OSBPL3: variants seen among roughly 807,000 people sequenced by gnomAD.
OSBPL3 encodes oxysterol binding protein like 3.
Under a neutral mutation model 120.1 loss-of-function variants are expected in OSBPL3, and 65 were observed. The ratio of observed to expected loss-of-function variants is 0.54; its 90% confidence interval spans 0.44 to 0.67. The LOEUF (loss-of-function observed/expected upper bound fraction) is 0.67, where lower values mean the gene tolerates loss of function less well. OSBPL3 is among the 30% of genes least tolerant of loss of function. The pLI is 0.00. For missense variants in OSBPL3, 1,004 were observed against 1,082.1 expected (o/e 0.93, Z 1.01); for synonymous variants, 416 against 402.6 (o/e 1.03, Z -0.40).
chr7:24,930,646 A>C lies in OSBPL3; in HGVS notation c.-149-38025T>G, dbSNP rs1299729333. On this transcript the variant is annotated intron_variant, in intron 1 of 22. Coordinates refer to ENST00000313367, the MANE Select transcript of OSBPL3 (RefSeq NM_015550.4). The surrounding 1 kb of genome is among the most constrained non-coding windows in gnomAD (Gnocchi z 4.4). ...AAAGCCATCAATTCAGTTGGTCATT[A>C]ACCTTTCCAGGTTAACCTCTTAAAA... Among the ~76,000 whole-genome samples the C allele has an allele frequency of 2.0e-5, 3 of 152,176 alleles. No individual in the cohort carries two copies. The highest frequency in any genetic ancestry group is 4.4e-5 in the Non-Finnish European group (3 of 68,026).
In OSBPL3 at chr7:24,834,244, C is replaced by T; in HGVS notation, c.1746+242G>A. 2 of 1,281,828 alleles carry T rather than the reference C, an allele frequency of 1.6e-6. No individual in the cohort carries two copies. Among genetic ancestry groups the T allele is most frequent in the Non-Finnish European group, 2.0e-6 (2 of 1,003,976 alleles). The allele number at this position is 1,281,828 out of a possible 1,614,324, so 79.4% of individuals were successfully genotyped here. A position where few individuals can be genotyped will look rare whatever the true frequency, so the allele number is the denominator to read the frequency against. ...AAAGAGGAAGCACAAACCCACAGAA[C>T]AGAACTACCCCAGGCACCAAGTGCC... On this transcript the variant is annotated intron_variant, in intron 15 of 22. Transcript: ENST00000313367. The surrounding 1 kb of genome is among the most constrained non-coding windows in gnomAD (Gnocchi z 5.2).
rs80057299 is a variant in OSBPL3, at chr7:24,849,896, T to G, written c.1159-720A>C. 0.048 allele frequency among the ~76,000 whole-genome samples: 7,251 copies of G among 151,590 alleles called. 252 individuals are homozygous for G. The highest frequency in any genetic ancestry group is 0.069 in the Non-Finnish European group (4,685 of 67,842). ...CTTGAACCTGGGAGGCTGACAGATG[T>G]TGCAGCGAGCTGAGATTGCGGCCTG... is the stretch of plus-strand genomic sequence containing the variant. On this transcript the variant is annotated intron_variant, in intron 11 of 22. Coordinates refer to ENST00000313367, the MANE Select transcript of OSBPL3 (RefSeq NM_015550.4). The surrounding 1 kb of genome is among the most constrained non-coding windows in gnomAD (Gnocchi z 5.4).
rs752990525 is a variant in OSBPL3 at position 24,834,558 on chromosome 7, C to T, written c.1674G>A (p.Arg558=). Residue 558 remains arginine (R), a synonymous_variant, in exon 15 of 23, where the codon AGG becomes AGA. Coordinates refer to ENST00000313367, the MANE Select transcript of OSBPL3 (RefSeq NM_015550.4). The surrounding 1 kb of genome is among the most constrained non-coding windows in gnomAD (Gnocchi z 5.2). ...CGCTGTACTCCAGCTCCTCGCAGAG[C>T]CTCTGCAGCGTGTTCAGGGGCTCGT... ...ELNEPLNTLQ[R]LCEELEYSEL... 6.2e-7 allele frequency: 1 copy of T among 1,614,190 alleles called. No individual in the cohort carries two copies. The highest frequency in any genetic ancestry group is 8.5e-7 in the Non-Finnish European group (1 of 1,180,012).
chr7:24,802,962 T>C lies in OSBPL3; in HGVS notation c.2567+1353A>G, dbSNP rs1458333261. On this transcript the variant is annotated intron_variant, in intron 22 of 22. Coordinates refer to ENST00000313367, the MANE Select transcript of OSBPL3 (RefSeq NM_015550.4). The surrounding 1 kb of genome is among the most constrained non-coding windows in gnomAD (Gnocchi z 4.1). ...TATTTCAGGATGAAATTTTGGCCAG[T>C]TGATTTTCCATCACTAATATCTTGA... Among the ~76,000 whole-genome samples, 1 of 152,190 alleles carries C rather than the reference T, an allele frequency of 6.6e-6. No homozygotes were observed. The highest frequency in any genetic ancestry group is 2.4e-5 in the African/African-American group (1 of 41,440).
Position 24,873,925 on chromosome 7 carries a change from T to C in OSBPL3, c.97-1856A>G, listed in dbSNP as rs1047519196. 1.9e-4 allele frequency among the ~76,000 whole-genome samples: 29 copies of C among 152,218 alleles called. No individual in the cohort carries two copies. Among genetic ancestry groups the C allele is most frequent in the African/African-American group, 6.8e-4 (28 of 41,458 alleles). ...TTAGAGACTCCATAGGTACTCCATC[T>C]TACTTTTCTGGAGGTTCACCACTTA... On this transcript the variant is annotated intron_variant, in intron 2 of 22. Coordinates refer to ENST00000313367, the MANE Select transcript of OSBPL3 (RefSeq NM_015550.4). The surrounding 1 kb of genome is among the most constrained non-coding windows in gnomAD (Gnocchi z 4.1).
chr7:24,814,724 A>G (rs1470792654), intron 19 of OSBPL3, among the ~76,000 whole-genome samples: 1 of 152,186 alleles, frequency 6.6e-6, no homozygotes, highest in Non-Finnish European at 1.5e-5. Context: ...ATCTCGCAGA[A>G]GTGGAATCAT....
At chr7:24,829,237 T>A (rs187938105) in intron 16 of OSBPL3, among the ~76,000 whole-genome samples, 8 of 152,320 alleles carry the variant, frequency 5.3e-5, no homozygotes, top group African/African-American at 1.9e-4. Context: ...TTATTCTCAT[T>A]CTATTTTAGG....
chr7:24,813,658 C>G lies in OSBPL3; in HGVS notation c.2172+1401G>C, dbSNP rs1794113855. ...CAATCCACCTCTTCCTAAGTATTCC[C>G]TATAGGTTACAGGTGGTGCAGAGAG... On this transcript the variant is annotated intron_variant, in intron 19 of 22. Coordinates refer to ENST00000313367, the MANE Select transcript of OSBPL3 (RefSeq NM_015550.4). The surrounding 1 kb of genome is among the most constrained non-coding windows in gnomAD (Gnocchi z 4.5). 6.6e-6 allele frequency among the ~76,000 whole-genome samples: 1 copy of G among 152,140 alleles called. No individual in the cohort carries two copies. Among genetic ancestry groups the G allele is most frequent in the Non-Finnish European group, 1.5e-5 (1 of 68,036 alleles).
intron 1 of OSBPL3, among the ~76,000 whole-genome samples, chr7:24,923,914 T>C (rs956797695): frequency 3.3e-5 from 5 of 152,330 alleles, no homozygotes; most frequent in South Asian, 4.1e-4. Flanking sequence ...TTCTCACTTA[T>C]GAAATCTAGA....
Position 24,813,108 on chromosome 7 carries a change from G to C in OSBPL3, c.2172+1951C>G, listed in dbSNP as rs1315101349. On this transcript the variant is annotated intron_variant, in intron 19 of 22. Coordinates refer to ENST00000313367, the MANE Select transcript of OSBPL3 (RefSeq NM_015550.4). This position sits in a 1 kb window ranked among gnomAD's most constrained non-coding sequence, Gnocchi z 4.5. Reference sequence around the variant, plus strand: ...TGCCCAGGCTGGTCTCAAATTTCAGGCCTCAAGTGAGCCTCCTGCTTCAGC... The same window carrying C: ...TGCCCAGGCTGGTCTCAAATTTCAGCCCTCAAGTGAGCCTCCTGCTTCAGC... 6.6e-6 allele frequency among the ~76,000 whole-genome samples: 1 copy of C among 152,146 alleles called. No homozygotes were observed. The highest frequency in any genetic ancestry group is 2.4e-5 in the African/African-American group (1 of 41,436).
intron 2 of OSBPL3, among the ~76,000 whole-genome samples, chr7:24,882,166 A>T (rs886273073): frequency 6.6e-6 from 1 of 152,176 alleles, no homozygotes; most frequent in African/African-American, 2.4e-5. Context: ...TTACATACAC[A>T]GTTTGCATAG....
In OSBPL3 at chr7:24,891,861, G is replaced by C. The variant is rs866123251; in HGVS notation, c.96+516C>G. Among the ~76,000 whole-genome samples the C allele has an allele frequency of 2.0e-5, 3 of 152,146 alleles. No homozygotes were observed. Among genetic ancestry groups the C allele is most frequent in the Admixed American group, 6.5e-5 (1 of 15,272 alleles). On this transcript the variant is annotated intron_variant, in intron 2 of 22. Coordinates refer to ENST00000313367, the MANE Select transcript of OSBPL3 (RefSeq NM_015550.4). This position sits in a 1 kb window ranked among gnomAD's most constrained non-coding sequence, Gnocchi z 4.1. Reference sequence around the variant, plus strand: ...TATAGATATAAAGCAGGTGAGTCTCGAAGCTACTAACAGGGCAATCTGTGG... The same window carrying C: ...TATAGATATAAAGCAGGTGAGTCTCCAAGCTACTAACAGGGCAATCTGTGG...
chr7:24,878,759 G>A (rs1803218984), intron 2 of OSBPL3, among the ~76,000 whole-genome samples: 1 of 152,204 alleles, frequency 6.6e-6, no homozygotes, highest in African/African-American at 2.4e-5. Context: ...GGTAGTGTAT[G>A]AGCTCTCACT....
At position 24,820,973 on chromosome 7, in the gene OSBPL3, G is replaced by C. The variant is rs906879067; in HGVS notation, c.1885-735C>G. On this transcript the variant is annotated intron_variant, in intron 16 of 22. Transcript: ENST00000313367. The surrounding 1 kb of genome is among the most constrained non-coding windows in gnomAD (Gnocchi z 4.6). ...GAGCAGAGAGTGCCCTTTGGCAAGG[G>C]GTCATTACTCATTTTATTCAGCAGT... is the stretch of plus-strand genomic sequence containing the variant. Among the ~76,000 whole-genome samples, 1 of 152,150 alleles carries C rather than the reference G, an allele frequency of 6.6e-6. No individual in the cohort carries two copies. Among genetic ancestry groups the C allele is most frequent in the African/African-American group, 2.4e-5 (1 of 41,414 alleles).
chr7:24,823,958 C>T (rs1384727420), intron 16 of OSBPL3, among the ~76,000 whole-genome samples: 2 of 152,202 alleles, frequency 1.3e-5, no homozygotes, highest in African/African-American at 2.4e-5. Flanking sequence ...ATTCTCCTTA[C>T]ATTTTAATTC....
intron 10 of OSBPL3, 28 bp downstream of exon 10, chr7:24,861,585 A>G: frequency 6.7e-7 from 1 of 1,502,746 alleles, no homozygotes; most frequent in Non-Finnish European, 9.0e-7. Context: ...TTCATCAAAC[A>G]CATTAGGAAG....
intron 1 of OSBPL3, among the ~76,000 whole-genome samples, chr7:24,945,813 T>C (rs754982581): frequency 1.3e-5 from 2 of 152,244 alleles, no homozygotes; most frequent in Non-Finnish European, 2.9e-5. Flanking sequence ...AAAGAAAGAA[T>C]ACAGTGGAGA....
intron 10 of OSBPL3, among the ~76,000 whole-genome samples, chr7:24,857,735 TA>T (rs1198393484): frequency 1.3e-5 from 2 of 152,160 alleles, no homozygotes; most frequent in African/African-American, 2.4e-5. Flanking sequence ...CTGTTGGGAA[TA>T]GGGGGGAAGA....
rs116041309 is a variant in OSBPL3 at position 24,963,522 on chromosome 7, G to A, written c.-150+16364C>T. Among the ~76,000 whole-genome samples, 742 of 152,304 alleles carry A rather than the reference G, an allele frequency of 4.9e-3. 3 individuals are homozygous for A. Among genetic ancestry groups the A allele is most frequent in the African/African-American group, 0.017 (697 of 41,550 alleles). On this transcript the variant is annotated intron_variant, in intron 1 of 22. Coordinates refer to ENST00000313367, the MANE Select transcript of OSBPL3 (RefSeq NM_015550.4). ...TTTTTGCTGACATCTGCCCAGGGCA[G>A]ACAGTAGCACATCTGGCTGAGTGCG...
Sources: allele counts gnomAD v4.1 joint callset (sites outside exome capture counted in the v4.1 genomes callset), GRCh38; gene constraint gnomAD v4.1.1; non-coding constraint Gnocchi (gnomAD v3.1); transcripts MANE v1.5; gene names NCBI Gene and HGNC (gene_info 2026-07-23, HGNC 2026-07-21).